Variants in PTPRD observed in about 807,000 individuals in gnomAD.
PTPRD encodes receptor-type tyrosine-protein phosphatase delta.
In PTPRD, 34 loss-of-function variants were observed where a neutral mutation model predicts 214.5. The ratio of observed to expected loss-of-function variants is 0.16; its 90% confidence interval spans 0.12 to 0.21. The LOEUF (loss-of-function observed/expected upper bound fraction) is 0.21. Among genes scored for constraint, PTPRD ranks in the 10% least tolerant of loss-of-function variants. The pLI is 1.00. For missense variants in PTPRD, 2,545 were observed against 2,398.7 expected (o/e 1.06, Z -1.27); for synonymous variants, 1,128 against 845.7 (o/e 1.33, Z -5.79).
At chr9:8,457,119 C>G (rs933306379) in intron 33 of PTPRD, among the ~76,000 whole-genome samples, 1 of 151,966 alleles carries the variant, frequency 6.6e-6, no homozygotes, top group Non-Finnish European at 1.5e-5. Context: ...CAGATTATAG[C>G]GCATTATGAT....
chr9:9,218,581 T>C (rs10977589), intron 9 of PTPRD, among the ~76,000 whole-genome samples: 40,958 of 151,994 alleles, frequency 0.27, 6,367 homozygotes, highest in Middle Eastern at 0.36. Context: ...GTGAGACAAA[T>C]GAAAGCTAAG....
At chr9:10,504,966 T>C (rs760482145) in intron 2 of PTPRD, among the ~76,000 whole-genome samples, 3 of 152,150 alleles carry the variant, frequency 2.0e-5, no homozygotes, top group Admixed American at 6.5e-5. Flanking sequence ...TGCTACAACA[T>C]TGGCTCTACA....
At chr9:8,654,415 T>C (rs993592910) in intron 12 of PTPRD, among the ~76,000 whole-genome samples, 21 of 152,182 alleles carry the variant, frequency 1.4e-4, no homozygotes, top group South Asian at 2.1e-4. Context: ...CCAAGGATCA[T>C]GCTTCCACTA....
At chr9:8,666,396 T>C (rs906531076) in intron 12 of PTPRD, among the ~76,000 whole-genome samples, 7 of 152,288 alleles carry the variant, frequency 4.6e-5, no homozygotes, top group African/African-American at 1.7e-4. Flanking sequence ...TTTCCTGGGA[T>C]AATCCATAAA....
chr9:9,154,432 G>T (rs1316631427), intron 10 of PTPRD, among the ~76,000 whole-genome samples: 1 of 151,922 alleles, frequency 6.6e-6, no homozygotes, highest in African/African-American at 2.4e-5. Flanking sequence ...GCAGAGGGCT[G>T]TCTTCTCTCT....
At chr9:10,045,467 T>C (rs778778820) in intron 3 of PTPRD, among the ~76,000 whole-genome samples, 12 of 151,598 alleles carry the variant, frequency 7.9e-5, no homozygotes, top group Non-Finnish European at 1.6e-4. Context: ...ATTGTTTATA[T>C]TGCAACTTTA....
At chr9:9,947,346 A>G (rs866052141) in intron 4 of PTPRD, among the ~76,000 whole-genome samples, 1 of 43,688 alleles carries the variant, frequency 2.3e-5, no homozygotes, top group Admixed American at 5.1e-4. Flanking sequence ...TTATATATAT[A>G]ATATATATTA....
chr9:9,417,272 C>T (rs943431081), intron 8 of PTPRD, among the ~76,000 whole-genome samples: 6 of 152,066 alleles, frequency 3.9e-5, no homozygotes, highest in Admixed American at 1.3e-4. Flanking sequence ...GAGTTTTAAT[C>T]TTAAAGTCTG....
chr9:8,873,241 A>G (rs2098333006), intron 11 of PTPRD, among the ~76,000 whole-genome samples: 1 of 152,198 alleles, frequency 6.6e-6, no homozygotes, highest in African/African-American at 2.4e-5. Context: ...GAATCTTTAT[A>G]TACATGGCCT....
At chr9:8,903,209 G>A (rs2098684042) in intron 11 of PTPRD, among the ~76,000 whole-genome samples, 1 of 151,364 alleles carries the variant, frequency 6.6e-6, no homozygotes, top group Non-Finnish European at 1.5e-5. Flanking sequence ...TTGTTACCTG[G>A]GCATACTGCA....
intron 9 of PTPRD, among the ~76,000 whole-genome samples, chr9:9,287,019 G>A (rs906712643): frequency 1.4e-5 from 2 of 147,926 alleles, no homozygotes; most frequent in Non-Finnish European, 3.0e-5. Context: ...GAGGTCAGGA[G>A]TTCAAGACAA....
chr9:8,567,717 A>G (rs144514392), intron 14 of PTPRD, among the ~76,000 whole-genome samples: 1 of 152,300 alleles, frequency 6.6e-6, no homozygotes, highest in African/African-American at 2.4e-5. Context: ...AAATGCCTCA[A>G]TGAATGAATG....
chr9:10,467,971 G>C (rs886467533), intron 2 of PTPRD, among the ~76,000 whole-genome samples: 2 of 152,162 alleles, frequency 1.3e-5, no homozygotes, highest in South Asian at 2.1e-4. Flanking sequence ...ATGCCAGTTA[G>C]AATGGCAACC....
chr9:9,956,726 C>G (rs1419760840), intron 4 of PTPRD, among the ~76,000 whole-genome samples: 2 of 151,992 alleles, frequency 1.3e-5, no homozygotes, highest in Non-Finnish European at 2.9e-5. Context: ...AGCTAGTTAC[C>G]TAGTAATAGA....
At chr9:9,011,916 A>T (rs191675962) in intron 11 of PTPRD, among the ~76,000 whole-genome samples, 1 of 152,226 alleles carries the variant, frequency 6.6e-6, no homozygotes, top group Non-Finnish European at 1.5e-5. Flanking sequence ...TGTGGGCAGG[A>T]CCTGTGACAT....
At chr9:10,160,535 A>T (rs2099121360) in intron 3 of PTPRD, among the ~76,000 whole-genome samples, 1 of 151,978 alleles carries the variant, frequency 6.6e-6, no homozygotes, top group Non-Finnish European at 1.5e-5. Flanking sequence ...ATATTCCTTT[A>T]TGGTAAAAAT....
intron 14 of PTPRD, among the ~76,000 whole-genome samples, chr9:8,532,085 A>G (rs1441862853): frequency 6.6e-6 from 1 of 152,020 alleles, no homozygotes; most frequent in Non-Finnish European, 1.5e-5. Context: ...TAATAAGGGT[A>G]ATTAAATTCT....
intron 8 of PTPRD, among the ~76,000 whole-genome samples, chr9:9,513,551 C>G (rs904114528): frequency 3.3e-5 from 5 of 151,232 alleles, no homozygotes; most frequent in African/African-American, 9.7e-5. Context: ...TATTTCATCT[C>G]CATGTACTCA....
rs371386670 is a variant in PTPRD, at chr9:10,474,460, C to T, written c.-599-133443G>A. Among the ~76,000 whole-genome samples, 33 of 152,120 alleles carry T rather than the reference C, an allele frequency of 2.2e-4. No homozygotes were observed. The South Asian group carries it at 6.4e-3, about 30-fold the overall frequency. ...GCTAGCTATCCTAAATATGTATGCA[C>T]CCGCTACAGGAGCACCCAGATTCAT... On this transcript the variant is annotated intron_variant, in intron 2 of 45. Coordinates refer to ENST00000381196, the MANE Select transcript of PTPRD (RefSeq NM_002839.4).
Sources: gnomAD v4.1 joint callset for allele counts (sites outside exome capture counted in the v4.1 genomes callset) on GRCh38, gnomAD v4.1.1 for gene constraint, MANE v1.5 for transcripts, NCBI Gene and HGNC (gene_info 2026-07-23, HGNC 2026-07-21) for gene names.